The following PNKD variants were observed in gnomAD, a reference collection of about 807,000 sequenced individuals.
PNKD encodes PNKD metallo-beta-lactamase domain containing, also known as probable thioesterase PNKD.
In PNKD, 36 loss-of-function variants were observed where a neutral mutation model predicts 45.3. The ratio of observed to expected loss-of-function variants is 0.80; its 90% CI spans 0.61 to 1.05. The LOEUF is 1.05. Among genes scored for constraint, PNKD ranks in the 50% least tolerant of loss-of-function variants. The pLI is 0.00. For missense variants in PNKD, 511 were observed against 506.6 expected (o/e 1.01, Z -0.08); for synonymous variants, 197 against 210.1 (o/e 0.94, Z 0.54).
chr2:218,342,444 A>G (rs1694708186), intron 7 of PNKD, among the ~76,000 whole-genome samples: 2 of 152,110 alleles, frequency 1.3e-5, no homozygotes. Context: ...TCATGCCTGT[A>G]ATCCCAGCAC....
intron 2 of PNKD, among the ~76,000 whole-genome samples, chr2:218,311,236 C>T (rs1390667951): frequency 6.6e-6 from 1 of 152,272 alleles, no homozygotes. Flanking sequence ...CCTCAGGGTT[C>T]CTATCTGTGT....
At chr2:218,276,285 G>A (rs187629393) in intron 2 of PNKD, among the ~76,000 whole-genome samples, 59 of 152,300 alleles carry the variant, frequency 3.9e-4, no homozygotes, top group Non-Finnish European at 7.5e-4. Flanking sequence ...TCCTGCAATG[G>A]CTGTATAAAA....
intron 2 of PNKD, among the ~76,000 whole-genome samples, chr2:218,329,241 T>G (rs1271633198): frequency 6.6e-6 from 1 of 152,078 alleles, no homozygotes; most frequent in Non-Finnish European, 1.5e-5. Context: ...CTAAGGGGCC[T>G]TGGAGCAGAC....
At chr2:218,323,556 G>A (rs1022944027) in intron 2 of PNKD, 9 of 846,520 alleles carry the variant, frequency 1.1e-5, no homozygotes, top group Non-Finnish European at 1.5e-5. Flanking sequence ...TCTAAGGGAA[G>A]AGGGATCGAG....
At chr2:218,297,182 A>G (rs969251613) in intron 2 of PNKD, among the ~76,000 whole-genome samples, 1 of 152,176 alleles carries the variant, frequency 6.6e-6, no homozygotes, top group African/African-American at 2.4e-5. Context: ...CTTGAATGAT[A>G]GATGTGTGGG....
At chr2:218,272,625 G>T in intron 2 of PNKD, 2 of 1,614,194 alleles carry the variant, frequency 1.2e-6, no homozygotes, top group Non-Finnish European at 1.7e-6. Flanking sequence ...GCGGGAAGTG[G>T]ACAAGGACCG....
At chr2:218,281,130 T>TTTTTTGTTTTTTGG (rs1553658813) in intron 2 of PNKD, 3 of 117,346 alleles carry the variant, frequency 2.6e-5, no homozygotes, top group Non-Finnish European at 3.6e-5. Context: ...TTGTTTTTTG[T>TTTTTTGTTTTTTGG]TTTTTTTTTG....
chr2:218,271,025 C>T (rs2106177090), intron 1 of PNKD: 3 of 459,394 alleles, frequency 6.5e-6, no homozygotes, highest in South Asian at 4.8e-5. Context: ...CTTTAAGGTC[C>T]CTTCCAGTGC....
chr2:218,342,654 C>T (rs1694715528), intron 7 of PNKD, among the ~76,000 whole-genome samples: 1 of 152,032 alleles, frequency 6.6e-6, no homozygotes, highest in Non-Finnish European at 1.5e-5. Flanking sequence ...GAGCTGAGAT[C>T]GCGCCACTGC....
intron 2 of PNKD, among the ~76,000 whole-genome samples, chr2:218,310,634 C>G (rs1324305495): frequency 6.7e-6 from 1 of 148,164 alleles, no homozygotes; most frequent in Non-Finnish European, 1.5e-5. Flanking sequence ...CCCTGTCACC[C>G]GGGCTGGAGT....
intron 2 of PNKD, among the ~76,000 whole-genome samples, chr2:218,282,713 CA>C (rs1467521878): frequency 2.0e-5 from 3 of 152,184 alleles, no homozygotes; most frequent in Non-Finnish European, 2.9e-5. Flanking sequence ...TGGAGGAAAA[CA>C]AGCTAGCCCC....
intron 7 of PNKD, among the ~76,000 whole-genome samples, chr2:218,343,287 C>T (rs1040497459): frequency 5.9e-5 from 9 of 152,196 alleles, no homozygotes; most frequent in Non-Finnish European, 8.8e-5. Context: ...CTGTGTGCAA[C>T]GGAGGCCTCG....
chr2:218,341,674 C>T, intron 6 of PNKD, 48 bp downstream of exon 6: 2 of 1,329,836 alleles, frequency 1.5e-6, no homozygotes, highest in Non-Finnish European at 2.1e-6. Context: ...GGGCCCTTTC[C>T]CCCACCCCCA....
intron 2 of PNKD, chr2:218,276,966 A>G (rs1691279008): frequency 1.9e-6 from 3 of 1,554,776 alleles, no homozygotes; most frequent in Non-Finnish European, 2.7e-6. Flanking sequence ...TGCCCTGAGC[A>G]CTGGGTTCCC....
chr2:218,329,874 A>G (rs1694268978), intron 2 of PNKD, among the ~76,000 whole-genome samples: 1 of 152,044 alleles, frequency 6.6e-6, no homozygotes, highest in African/African-American at 2.4e-5. Flanking sequence ...CCCATAGAAC[A>G]CTGTGTCCTG....
At chr2:218,299,025 T>C (rs1195006238) in intron 2 of PNKD, among the ~76,000 whole-genome samples, 1 of 152,226 alleles carries the variant, frequency 6.6e-6, no homozygotes, top group African/African-American at 2.4e-5. Flanking sequence ...ACCATCTATT[T>C]TTCCAGCTCT....
At chr2:218,295,178 G>A (rs1045062678) in intron 2 of PNKD, among the ~76,000 whole-genome samples, 2 of 152,164 alleles carry the variant, frequency 1.3e-5, no homozygotes, top group African/African-American at 2.4e-5. Flanking sequence ...GCAGTGCTTC[G>A]CTGGCAATAG....
intron 2 of PNKD, among the ~76,000 whole-genome samples, chr2:218,320,797 A>T (rs1156271122): frequency 1.3e-5 from 2 of 152,246 alleles, no homozygotes; most frequent in Admixed American, 1.3e-4. Context: ...ATACCTAAGT[A>T]GTTAAGTATT....
chr2:218,280,397 G>A, intron 2 of PNKD: 1 of 396,986 alleles, frequency 2.5e-6, no homozygotes, highest in South Asian at 2.4e-5. Context: ...GTTCACTGGG[G>A]GGTCACGATG....
Sources: gnomAD v4.1 joint callset for allele counts (sites outside exome capture counted in the v4.1 genomes callset) on GRCh38, gnomAD v4.1.1 for gene constraint, MANE v1.5 for transcripts, NCBI Gene and HGNC (gene_info 2026-07-23, HGNC 2026-07-21) for gene names.